Variants in MICAL2 observed in about 807,000 individuals in gnomAD.
MICAL2 encodes the protein [F-actin]-monooxygenase MICAL2.
Under a neutral mutation model 127.3 loss-of-function variants are expected in MICAL2, and 77 were observed. The observed-to-expected ratio is 0.60, with a 90% CI of 0.50 to 0.73. The LOEUF (loss-of-function observed/expected upper bound fraction) is 0.73, where lower values mean the gene tolerates loss of function less well. Among genes scored for constraint, MICAL2 ranks in the 30% least tolerant of loss-of-function variants. The pLI is 0.00. For missense variants in MICAL2, 1,351 were observed against 1,434.4 expected (o/e 0.94, Z 0.94); for synonymous variants, 570 against 551.1 (o/e 1.03, Z -0.48).
chr11:12,237,810 C>A (rs1340264255), intron 16 of MICAL2, among the ~76,000 whole-genome samples: 2 of 152,212 alleles, frequency 1.3e-5, no homozygotes, highest in African/African-American at 2.4e-5. Context: ...CCACCCCAGA[C>A]CTACAGAAAG....
intron 34 of MICAL2, among the ~76,000 whole-genome samples, chr11:12,356,419 C>G (rs984059293): frequency 2.0e-5 from 3 of 152,210 alleles, no homozygotes; most frequent in African/African-American, 7.2e-5. Context: ...CTCTGTCTCT[C>G]CCCAGGGTGA....
downstream of MICAL2, among the ~76,000 whole-genome samples, chr11:12,295,641 C>T (rs546765013): frequency 1.6e-4 from 25 of 152,052 alleles, no homozygotes; most frequent in African/African-American, 6.0e-4. Flanking sequence ...AAGCAGTCCT[C>T]TCACCTTGAC....
chr11:12,209,524 C>A lies in MICAL2; in HGVS notation c.617C>A (p.Pro206His). 1 of 1,614,210 alleles carries A rather than the reference C, an allele frequency of 6.2e-7. No homozygotes were observed. The change falls in exon 6 of 28, where the codon CCT (proline) becomes CAT (histidine). Residue 206 changes from proline (P) to histidine (H), a missense_variant. By Grantham distance (77) the Pro-to-His change is moderately conservative. This residue lies in a region of MICAL2 where 599 missense variants were observed against 714.9 expected (regional missense o/e 0.84). Transcript: ENST00000683283. Reference protein sequence around the residue: ...QKIGWRAEFLPTDHSLSEFEF... With the variant: ...QKIGWRAEFLHTDHSLSEFEF... ...ATTGGCTGGCGGGCAGAATTTCTCC[C>A]TACAGACCATTCTCTGTCGGAGTTT...
In MICAL2 at chr11:12,224,683, C is replaced by A. The variant is rs758058561; in HGVS notation, c.1551C>A (p.Ile517=). Reference sequence around the variant, plus strand: ...CTCTCCTTCTTGCAGAGTCAGATATCCGGCCCAGCAAGCTCCTGACCTGGT... The same window carrying A: ...CTCTCCTTCTTGCAGAGTCAGATATACGGCCCAGCAAGCTCCTGACCTGGT... ...SVNLSRKESD[I]RPSKLLTWCQ... The change falls in exon 13 of 28, where the codon ATC becomes ATA. Residue 517 remains isoleucine, a synonymous_variant. Transcript: ENST00000683283. 6.2e-7 allele frequency: 1 copy of A among 1,613,990 alleles called. No homozygotes were observed. Among genetic ancestry groups the A allele is most frequent in the South Asian group, 1.1e-5 (1 of 91,082 alleles).
At chr11:12,211,046 C>A (rs1468781625) in intron 6 of MICAL2, among the ~76,000 whole-genome samples, 3 of 152,182 alleles carry the variant, frequency 2.0e-5, no homozygotes, top group Admixed American at 6.5e-5. Flanking sequence ...TGACAAAGGT[C>A]TAATGAAGGA....
chr11:12,229,403 A>G (rs1261270414), intron 15 of MICAL2, among the ~76,000 whole-genome samples: 2 of 152,190 alleles, frequency 1.3e-5, no homozygotes, highest in Non-Finnish European at 2.9e-5. Flanking sequence ...CCATGTTCCC[A>G]CTGAGTAAAT....
intron 32 of MICAL2, among the ~76,000 whole-genome samples, chr11:12,329,467 G>A (rs1193277210): frequency 6.6e-6 from 1 of 152,230 alleles, no homozygotes; most frequent in Non-Finnish European, 1.5e-5. Flanking sequence ...CACAGGCCAA[G>A]AGGTGGCATG....
intron 2 of MICAL2, among the ~76,000 whole-genome samples, chr11:12,141,553 T>G (rs1262058588): frequency 1.3e-5 from 2 of 152,232 alleles, no homozygotes; most frequent in African/African-American, 4.8e-5. Flanking sequence ...AACTTCCTGT[T>G]GTTGCCCTAC....
At chr11:12,201,426 C>G (rs1420717001) in intron 3 of MICAL2, among the ~76,000 whole-genome samples, 1 of 151,002 alleles carries the variant, frequency 6.6e-6, no homozygotes, top group East Asian at 2.0e-4. Context: ...AAGGTTTGAT[C>G]TCAAGCAGAA....
At chr11:12,142,455 G>A (rs1384825932) in intron 2 of MICAL2, among the ~76,000 whole-genome samples, 3 of 152,174 alleles carry the variant, frequency 2.0e-5, no homozygotes, top group African/African-American at 4.8e-5. Context: ...TCATATGAGC[G>A]TTGTTGCTAA....
intron 6 of MICAL2, among the ~76,000 whole-genome samples, chr11:12,209,963 G>A (rs901784412): frequency 1.3e-5 from 2 of 152,154 alleles, no homozygotes; most frequent in African/African-American, 4.8e-5. Context: ...CTCCTGGTGT[G>A]TGAGCCATGG....
intron 29 of MICAL2, among the ~76,000 whole-genome samples, chr11:12,310,410 C>T (rs919174859): frequency 6.6e-6 from 1 of 152,102 alleles, no homozygotes; most frequent in Non-Finnish European, 1.5e-5. Flanking sequence ...TGAGTTTTCC[C>T]AGCACTATTT....
intron 26 of MICAL2, chr11:12,261,192 G>T (rs1263005436): frequency 3.0e-6 from 3 of 985,526 alleles, no homozygotes; most frequent in Non-Finnish European, 3.6e-6. Flanking sequence ...TGCCCAGTGA[G>T]CATTGCCTGT....
At chr11:12,292,016 C>G, downstream of MICAL2, 1 of 1,203,026 alleles carries the variant, frequency 8.3e-7, no homozygotes, top group South Asian at 1.5e-5. Flanking sequence ...CCAGGAACCT[C>G]TGAGTCAGGC....
At chr11:12,249,045 G>A (rs1170549860) in intron 21 of MICAL2, 139 bp from the exon 22 acceptor site, 2 of 1,042,538 alleles carry the variant, frequency 1.9e-6, no homozygotes, top group African/African-American at 3.2e-5. Context: ...TACTCTTGAG[G>A]GTAACTGGAA....
At chr11:12,294,658 T>G, downstream of MICAL2, 2 of 1,613,930 alleles carry the variant, frequency 1.2e-6, no homozygotes, top group Non-Finnish European at 1.7e-6. Context: ...CTTTTGAGAG[T>G]TTCCTCCAAG....
chr11:12,181,039 GTT>G (rs1275528069), intron 3 of MICAL2, among the ~76,000 whole-genome samples: 2 of 150,786 alleles, frequency 1.3e-5, no homozygotes, highest in Non-Finnish European at 2.9e-5. Flanking sequence ...ACCCCTGGGG[GTT>G]CAAGCGATTC....
intron 25 of MICAL2, 185 bp from the exon 26 acceptor site, chr11:12,259,610 G>A (rs1048066827): frequency 6.0e-6 from 3 of 499,040 alleles, no homozygotes; most frequent in Non-Finnish European, 1.1e-5. Context: ...GACTCCTATG[G>A]TCAGTTGGCC....
At chr11:12,227,314 G>A in intron 15 of MICAL2, 183 bp downstream of exon 15, 2 of 560,030 alleles carry the variant, frequency 3.6e-6, no homozygotes, top group South Asian at 2.1e-5. Flanking sequence ...CTGGCACTGT[G>A]TAGCTAGTTT....
Sources: allele counts gnomAD v4.1 joint callset (sites outside exome capture counted in the v4.1 genomes callset), GRCh38; gene constraint gnomAD v4.1.1; regional missense constraint gnomAD v4.1.1; transcripts MANE v1.5; gene names NCBI Gene and HGNC (gene_info 2026-07-23, HGNC 2026-07-21).